Variants in TTC3 observed in about 807,000 individuals in gnomAD.
TTC3 encodes tetratricopeptide repeat domain 3, also known as E3 ubiquitin-protein ligase TTC3.
Under a neutral mutation model 249.6 loss-of-function variants are expected in TTC3, and 180 were observed. The ratio of observed to expected loss-of-function variants is 0.72; its 90% CI spans 0.64 to 0.82. The LOEUF (loss-of-function observed/expected upper bound fraction) is 0.82, where lower values mean the gene tolerates loss of function less well. TTC3 is among the 40% of genes least tolerant of loss of function. The probability of loss-of-function intolerance (pLI) is 0.00; values close to 1 mark genes in which losing one functional copy is unlikely to be tolerated. For missense variants in TTC3, 2,061 were observed against 2,398.4 expected (o/e 0.86, Z 2.94); for synonymous variants, 717 against 805.0 (o/e 0.89, Z 1.85).
At position 37,129,061 on chromosome 21, in the gene TTC3, CAGGTATGTTTTTTCTCTA is replaced by C. The variant is rs1363520759; in HGVS notation, c.1358+12_1358+29del. 6 of 1,586,562 alleles carry C rather than the reference CAGGTATGTTTTTTCTCTA, an allele frequency of 3.8e-6. No individual in the cohort carries two copies. The highest frequency in any genetic ancestry group is 5.1e-6 in the Non-Finnish European group (6 of 1,167,162). On this transcript the variant is annotated splice_donor_variant and splice_donor_5th_base_variant and coding_sequence_variant and intron_variant, in exon 16 of 46. Transcript: ENST00000355666. LOFTEE classifies it high-confidence loss of function. ...CTCGAAACAATGAATCAGAAAAGTTCAGGTATGTTTTTTCTCTAAGGTATGTTTTTTTCCCCTTAATAT... is the reference window on the plus strand; with the variant it reads ...CTCGAAACAATGAATCAGAAAAGTTCAGGTATGTTTTTTTCCCCTTAATAT...
At chr21:37,087,122 A>G in intron 1 of TTC3, 125 bp from the exon 2 acceptor site, 5 of 1,017,962 alleles carry the variant, frequency 4.9e-6, no homozygotes, top group East Asian at 4.8e-5. Context: ...CAGTGTTCTG[A>G]TAGGAGTTAT....
At chr21:37,089,657 G>A (rs938420219) in intron 5 of TTC3, among the ~76,000 whole-genome samples, 1 of 152,066 alleles carries the variant, frequency 6.6e-6, no homozygotes, top group South Asian at 2.1e-4. Context: ...GGGACTGTAG[G>A]CGCCTGCCAC....
At chr21:37,199,853 C>T (rs1022412367) in intron 44 of TTC3, among the ~76,000 whole-genome samples, 1 of 152,104 alleles carries the variant, frequency 6.6e-6, no homozygotes, top group African/African-American at 2.4e-5. Flanking sequence ...TACACAATAG[C>T]CCATTGTGTG....
chr21:37,136,314 C>T (rs2077934568), intron 18 of TTC3, among the ~76,000 whole-genome samples: 1 of 152,152 alleles, frequency 6.6e-6, no homozygotes, highest in South Asian at 2.1e-4. Flanking sequence ...TGTTGAAAGC[C>T]AAGACAGGCA....
At chr21:37,075,306 C>T (rs67678658) in intron 1 of TTC3, among the ~76,000 whole-genome samples, 21,891 of 152,000 alleles carry the variant, frequency 0.14, 1,691 homozygotes, top group African/African-American at 0.17. Flanking sequence ...TTATACATTC[C>T]CCTGTTGATA....
At chr21:37,118,353 G>A (rs2076325719) in intron 11 of TTC3, among the ~76,000 whole-genome samples, 1 of 152,262 alleles carries the variant, frequency 6.6e-6, no homozygotes, top group Non-Finnish European at 1.5e-5. Flanking sequence ...GGGAAGATTA[G>A]TACAGTGCTA....
At chr21:37,092,532 G>T (rs953822380) in intron 7 of TTC3, among the ~76,000 whole-genome samples, 2 of 152,112 alleles carry the variant, frequency 1.3e-5, no homozygotes, top group African/African-American at 2.4e-5. Flanking sequence ...TACTATCTTT[G>T]TTTTAGCAGT....
At chr21:37,110,502 T>C (rs1198660710) in intron 11 of TTC3, among the ~76,000 whole-genome samples, 1 of 152,068 alleles carries the variant, frequency 6.6e-6, no homozygotes, top group Non-Finnish European at 1.5e-5. Flanking sequence ...AAGATAAGTT[T>C]AGAGAAAAAG....
intron 15 of TTC3, 118 bp from the exon 16 acceptor site, chr21:37,128,885 C>T (rs75144049): frequency 0.026 from 16,540 of 625,608 alleles, 279 homozygotes; most frequent in Non-Finnish European, 0.034. Flanking sequence ...GTTACACCCA[C>T]GTACCACATT....
Position 37,087,930 on chromosome 21 carries a change from C to A in TTC3, c.187+55C>A. 3 of 1,349,916 alleles carry A rather than the reference C, an allele frequency of 2.2e-6. No individual in the cohort carries two copies. The East Asian group carries it at 6.9e-5, about 31-fold the overall frequency. The allele number at this position is 1,349,916 out of a possible 1,614,324, so 83.6% of individuals were successfully genotyped here. A position where few individuals can be genotyped will look rare whatever the true frequency, so the allele number is the denominator to read the frequency against. On this transcript the variant is annotated intron_variant, in intron 3 of 45. Transcript: ENST00000355666. ...TTATGGAAAGACTACAAAGGGAGGT[C>A]CATCCATCCTGTCATAGCAATACAA...
exon 34 of TTC3, chr21:37,167,589 C>G: frequency 6.2e-7 from 1 of 1,610,312 alleles, no homozygotes; most frequent in Non-Finnish European, 8.5e-7. Context: ...GAAGTCAATA[C>G]TGAGCCATAT....
chr21:37,135,017 A>G (rs2000418), intron 17 of TTC3, among the ~76,000 whole-genome samples: 11,977 of 152,090 alleles, frequency 0.079, 1,243 homozygotes, highest in African/African-American at 0.22. Context: ...TAATTGTTCT[A>G]CTCCCAAACA....
intron 19 of TTC3, among the ~76,000 whole-genome samples, 193 bp downstream of exon 19, chr21:37,138,907 A>G (rs778687990): frequency 2.6e-5 from 4 of 152,168 alleles, no homozygotes; most frequent in Non-Finnish European, 4.4e-5. Context: ...CCAGGCAATC[A>G]GTGGGAATCT....
At chr21:37,084,516 A>G (rs568848881) in intron 1 of TTC3, among the ~76,000 whole-genome samples, 4 of 152,294 alleles carry the variant, frequency 2.6e-5, no homozygotes, top group Admixed American at 2.0e-4. Flanking sequence ...TAACAGATTG[A>G]TCAGGTAGGT....
chr21:37,162,023 A>G (rs375377517), exon 31 of TTC3: 116 of 1,591,884 alleles, frequency 7.3e-5, no homozygotes, highest in Non-Finnish European at 9.8e-5. Context: ...AACTTCAGTA[A>G]CTTCAAATAA....
At chr21:37,172,846 G>T in intron 35 of TTC3, 102 bp downstream of exon 35, 1 of 1,357,518 alleles carries the variant, frequency 7.4e-7, no homozygotes, top group South Asian at 1.5e-5. Flanking sequence ...TGCATTGGTG[G>T]CTAAACAAAA....
chr21:37,174,006 C>T (rs1228402466), intron 35 of TTC3, among the ~76,000 whole-genome samples: 1 of 152,126 alleles, frequency 6.6e-6, no homozygotes, highest in East Asian at 1.9e-4. Flanking sequence ...TGTGGGAATT[C>T]CTGTAGCTGC....
intron 9 of TTC3, 41 bp from the exon 10 acceptor site, chr21:37,096,540 G>A (rs772994883): frequency 6.9e-6 from 10 of 1,441,086 alleles, no homozygotes; most frequent in Non-Finnish European, 9.6e-6. Flanking sequence ...TTTGTTTCAT[G>A]TGTAATGTGC....
Position 37,118,799 on chromosome 21 carries a change from C to T in TTC3, c.901-3018C>T, listed in dbSNP as rs554861648. ...GATTCTCTTGTTATGTCTTCAAGCT[C>T]ACCCATCTTTTCTTCTGCAGTGTTT... On this transcript the variant is annotated intron_variant, in intron 11 of 45. Transcript: ENST00000355666. Among the ~76,000 whole-genome samples, 224 of 152,306 alleles carry T rather than the reference C, an allele frequency of 1.5e-3. 2 individuals are homozygous for T. The highest frequency in any genetic ancestry group is 4.9e-3 in the African/African-American group (205 of 41,568).
Sources: allele counts gnomAD v4.1 joint callset (sites outside exome capture counted in the v4.1 genomes callset), GRCh38; gene constraint gnomAD v4.1.1; transcripts MANE v1.5; gene names NCBI Gene and HGNC (gene_info 2026-07-23, HGNC 2026-07-21).